PSD3: variants seen among roughly 807,000 people sequenced by gnomAD.
PSD3 encodes the protein pleckstrin and Sec7 domain containing 3.
Under a neutral mutation model 105.5 loss-of-function variants are expected in PSD3, and 49 were observed. The ratio of observed to expected loss-of-function variants is 0.46; its 90% CI spans 0.37 to 0.59. The LOEUF is 0.59. Ranked by LOEUF, PSD3 falls within the 20% of genes least tolerant of loss-of-function variation. The pLI, the probability that PSD3 is intolerant of heterozygous loss-of-function variation, is 0.00. For synonymous variants in PSD3, 557 were observed against 457.8 expected (o/e 1.22, Z -2.77); for missense variants, 1,561 against 1,263.8 (o/e 1.24, Z -3.57).
intron 9 of PSD3, among the ~76,000 whole-genome samples, chr8:18,759,862 T>G (rs1168830245): frequency 6.6e-6 from 1 of 151,776 alleles, no homozygotes; most frequent in Admixed American, 6.6e-5. Context: ...AATTCATCTC[T>G]AAATATATAA....
At chr8:18,708,689 G>A (rs1187959588) in intron 9 of PSD3, among the ~76,000 whole-genome samples, 1 of 152,062 alleles carries the variant, frequency 6.6e-6, no homozygotes, top group East Asian at 1.9e-4. Context: ...CAAGAAAGAG[G>A]TCAAGATGGC....
intron 9 of PSD3, among the ~76,000 whole-genome samples, chr8:18,752,472 A>G (rs1167979184): frequency 1.2e-5 from 1 of 80,424 alleles, no homozygotes; most frequent in Non-Finnish European, 2.3e-5. Flanking sequence ...CTTTTCAAAT[A>G]TATATATTAT....
chr8:18,652,746 C>T (rs1465504370), intron 10 of PSD3, among the ~76,000 whole-genome samples: 1 of 152,050 alleles, frequency 6.6e-6, no homozygotes, highest in Non-Finnish European at 1.5e-5. Flanking sequence ...GATCCAGGCT[C>T]CTCAGCCTCC....
chr8:18,847,592 G>C (rs564182717), intron 4 of PSD3, among the ~76,000 whole-genome samples: 1 of 152,142 alleles, frequency 6.6e-6, no homozygotes, highest in African/African-American at 2.4e-5. Context: ...GTATGATTTC[G>C]TACCGTCAAG....
At chr8:18,562,915 AAAAG>A (rs1801488148) in intron 14 of PSD3, among the ~76,000 whole-genome samples, 1 of 17,808 alleles carries the variant, frequency 5.6e-5, no homozygotes. Flanking sequence ...AAGAAAAAGA[AAAAG>A]AAAAAGAAAA....
chr8:18,555,782 G>C (rs182048335), intron 15 of PSD3, among the ~76,000 whole-genome samples: 1 of 152,118 alleles, frequency 6.6e-6, no homozygotes, highest in Admixed American at 6.5e-5. Context: ...TAGTGTTGCC[G>C]AACAGCAAGA....
chr8:18,752,595 ATATAT>A (rs1805667605), intron 9 of PSD3, among the ~76,000 whole-genome samples: 4 of 84,400 alleles, frequency 4.7e-5, no homozygotes, highest in Non-Finnish European at 7.8e-5. Context: ...ATTATATATT[ATATAT>A]TATATATAAT....
At chr8:18,915,315 A>G (rs1042857904) in intron 2 of PSD3, among the ~76,000 whole-genome samples, 4 of 152,226 alleles carry the variant, frequency 2.6e-5, no homozygotes, top group Non-Finnish European at 5.9e-5. Context: ...CACCAAAAAC[A>G]CAGGCAATGA....
At chr8:18,774,446 C>A (rs1807840395) in intron 8 of PSD3, 2 of 190,882 alleles carry the variant, frequency 1.0e-5, no homozygotes, top group Admixed American at 5.8e-5. Context: ...CACTCTACTG[C>A]AGTACTGAAC....
chr8:18,591,595 A>C (rs185164816), intron 12 of PSD3, among the ~76,000 whole-genome samples: 5 of 152,270 alleles, frequency 3.3e-5, no homozygotes, highest in Non-Finnish European at 7.4e-5. Context: ...TGGAAGCCTG[A>C]AGGACACTTA....
chr8:18,763,745 A>G (rs944200235), intron 9 of PSD3, among the ~76,000 whole-genome samples: 3 of 152,170 alleles, frequency 2.0e-5, no homozygotes, highest in Admixed American at 6.6e-5. Context: ...AATTTTCAGT[A>G]AAACCCATTC....
chr8:18,751,253 A>T (rs1214814194), intron 9 of PSD3, among the ~76,000 whole-genome samples: 1 of 152,060 alleles, frequency 6.6e-6, no homozygotes, highest in East Asian at 1.9e-4. Flanking sequence ...CTGCTGGGGG[A>T]CCCAGTACAC....
rs772333462 is a variant in PSD3 at position 18,572,708 on chromosome 8, C to T, written c.2640-36G>A. On this transcript the variant is annotated intron_variant, in intron 13 of 15. Coordinates refer to ENST00000327040, the MANE Select transcript of PSD3 (RefSeq NM_015310.4). ...TAGATATGTTTATATCAGGATATTG[C>T]CATGTCTAAGTAGCATCACACTTTG... 15 of 1,602,062 alleles carry T rather than the reference C, an allele frequency of 9.4e-6. No individual in the cohort carries two copies. In the South Asian group the frequency reaches 1.3e-4, roughly 14 times the overall value.
At chr8:18,777,231 C>A (rs916250603) in intron 8 of PSD3, among the ~76,000 whole-genome samples, 1 of 152,010 alleles carries the variant, frequency 6.6e-6, no homozygotes, top group African/African-American at 2.4e-5. Flanking sequence ...TTAGTAGAGA[C>A]AGGGTTTCAC....
At chr8:19,047,683 G>A (rs1411744446) in intron 1 of PSD3, among the ~76,000 whole-genome samples, 1 of 152,074 alleles carries the variant, frequency 6.6e-6, no homozygotes, top group Non-Finnish European at 1.5e-5. Flanking sequence ...GTCATACCTG[G>A]CACAACACGG....
intron 9 of PSD3, among the ~76,000 whole-genome samples, chr8:18,708,387 G>A (rs1023129178): frequency 1.3e-5 from 2 of 151,956 alleles, no homozygotes; most frequent in African/African-American, 4.8e-5. Flanking sequence ...CCACCTATGT[G>A]AATACTGAAT....
intron 1 of PSD3, among the ~76,000 whole-genome samples, chr8:19,077,539 C>A (rs1371056736): frequency 6.6e-6 from 1 of 152,170 alleles, no homozygotes; most frequent in Admixed American, 6.5e-5. Context: ...AGCCGTCATT[C>A]TGTCATTTGC....
intron 9 of PSD3, among the ~76,000 whole-genome samples, chr8:18,719,167 G>C (rs1802788870): frequency 6.6e-6 from 1 of 152,276 alleles, no homozygotes; most frequent in Non-Finnish European, 1.5e-5. Context: ...GCCAATAAAC[G>C]AGTGTCTAGA....
chr8:18,944,462 T>C (rs1241862980), intron 1 of PSD3, among the ~76,000 whole-genome samples: 2 of 151,888 alleles, frequency 1.3e-5, no homozygotes, highest in African/African-American at 2.4e-5. Flanking sequence ...TCCCAGCTAC[T>C]TGGGAGGCTG....
Sources: allele counts gnomAD v4.1 joint callset (sites outside exome capture counted in the v4.1 genomes callset), GRCh38; gene constraint gnomAD v4.1.1; transcripts MANE v1.5; gene names NCBI Gene and HGNC (gene_info 2026-07-23, HGNC 2026-07-21).